Variants in EEIG1 observed in about 807,000 individuals in gnomAD.
EEIG1 encodes the protein early estrogen-induced gene 1 protein.
the EEIG1 span, chr9:127,943,399 C>A: frequency 3.0e-6 from 2 of 656,982 alleles, no homozygotes; most frequent in Non-Finnish European, 5.5e-6. Flanking sequence ...GTCCCTTGCC[C>A]ACAGTGACAC....
the EEIG1 span, chr9:127,948,462 C>A: frequency 6.5e-5 from 103 of 1,592,938 alleles, no homozygotes; most frequent in Non-Finnish European, 7.9e-5. Context: ...CCACAGCCTG[C>A]CCAGGCGCAG....
chr9:127,977,230 G>T, the EEIG1 span, among the ~76,000 whole-genome samples: 12 of 152,342 alleles, frequency 7.9e-5, no homozygotes, highest in Admixed American at 1.3e-4. Context: ...CATTCAGGTT[G>T]CATGCAGGAC....
chr9:127,954,020 G>A, the EEIG1 span: 1 of 1,458,702 alleles, frequency 6.9e-7, no homozygotes, highest in Non-Finnish European at 9.4e-7. Flanking sequence ...CATTGGGACT[G>A]AGGCGGTGGG....
the EEIG1 span, chr9:127,980,285 G>T: frequency 1.1e-6 from 1 of 918,352 alleles, no homozygotes. Context: ...GGAGTCCGGG[G>T]CCCCAGGTCT....
At chr9:127,971,999 C>A in the EEIG1 span, among the ~76,000 whole-genome samples, 2 of 152,082 alleles carry the variant, frequency 1.3e-5, no homozygotes, top group East Asian at 3.9e-4. Flanking sequence ...ATGTACTGAG[C>A]GGCCGCTGTC....
the EEIG1 span, among the ~76,000 whole-genome samples, chr9:127,946,434 CACACCCCAGGCTGGCCTGTG>C: frequency 4.3e-3 from 648 of 152,328 alleles, 3 homozygotes; most frequent in Non-Finnish European, 5.7e-3. Flanking sequence ...TCCCGCCCAA[CACACCCCAGGCTGGCCTGTG>C]ACACCCCAGG....
chr9:127,980,292 G>A, the EEIG1 span: 1 of 752,866 alleles, frequency 1.3e-6, no homozygotes, highest in Non-Finnish European at 2.1e-6. Context: ...GGGGCCCCAG[G>A]TCTGAGAGAT....
At chr9:127,968,531 G>A in the EEIG1 span, among the ~76,000 whole-genome samples, 5 of 152,110 alleles carry the variant, frequency 3.3e-5, no homozygotes, top group Admixed American at 6.5e-5. Flanking sequence ...CTAAATGAGC[G>A]CCCTTCATAC....
the EEIG1 span, among the ~76,000 whole-genome samples, chr9:127,969,948 G>A: frequency 1.3e-5 from 2 of 152,080 alleles, no homozygotes; most frequent in African/African-American, 4.8e-5. Context: ...ACAGAGACGT[G>A]CAGAACTCAC....
the EEIG1 span, chr9:127,953,505 G>C: frequency 7.0e-7 from 1 of 1,436,140 alleles, no homozygotes; most frequent in Non-Finnish European, 9.8e-7. Flanking sequence ...AGGGGCTGGA[G>C]GCTTCCCTTG....
At chr9:127,977,046 CCGTCTA>C in the EEIG1 span, among the ~76,000 whole-genome samples, 55 of 152,218 alleles carry the variant, frequency 3.6e-4, no homozygotes, top group African/African-American at 1.3e-3. Context: ...CCAGGAACCC[CCGTCTA>C]CTGGGCAAAA....
chr9:127,968,729 T>C, the EEIG1 span, among the ~76,000 whole-genome samples: 3 of 152,174 alleles, frequency 2.0e-5, no homozygotes, highest in East Asian at 1.9e-4. Flanking sequence ...CAGGAGATAA[T>C]TGTGAATCGC....
chr9:127,948,817 T>C, the EEIG1 span, among the ~76,000 whole-genome samples: 1 of 152,152 alleles, frequency 6.6e-6, no homozygotes, highest in Non-Finnish European at 1.5e-5. Flanking sequence ...AGAGGGCTCA[T>C]GGGGCCTGGC....
At chr9:127,945,848 T>C in the EEIG1 span, 3 of 815,120 alleles carry the variant, frequency 3.7e-6, no homozygotes, top group Admixed American at 4.4e-5. This position sits in a 1 kb window ranked among gnomAD's most constrained non-coding sequence, Gnocchi z 6.5. Context: ...GAGCCTCCCA[T>C]GGCAGGGCGC....
the EEIG1 span, among the ~76,000 whole-genome samples, chr9:127,956,689 G>A: frequency 6.6e-6 from 1 of 151,682 alleles, no homozygotes; most frequent in Non-Finnish European, 1.5e-5. Flanking sequence ...GGGATTACAG[G>A]CGTGAGCCAC....
the EEIG1 span, among the ~76,000 whole-genome samples, chr9:127,951,413 G>A: frequency 1.3e-5 from 2 of 152,186 alleles, no homozygotes; most frequent in African/African-American, 2.4e-5. Flanking sequence ...ACTGCTGCCT[G>A]CAAGTCTCTA....
At chr9:127,972,935 T>C in the EEIG1 span, among the ~76,000 whole-genome samples, 1 of 152,094 alleles carries the variant, frequency 6.6e-6, no homozygotes, top group South Asian at 2.1e-4. This position sits in a 1 kb window ranked among gnomAD's most constrained non-coding sequence, Gnocchi z 4.3. Context: ...TCTGACCTCA[T>C]AGTGGGTGGC....
chr9:127,978,154 C>G, the EEIG1 span, among the ~76,000 whole-genome samples: 1 of 152,156 alleles, frequency 6.6e-6, no homozygotes, highest in Non-Finnish European at 1.5e-5. Context: ...GAACAGGGAG[C>G]CAGTGCTCAG....
chr9:127,954,824 C>T, the EEIG1 span, among the ~76,000 whole-genome samples: 6 of 152,182 alleles, frequency 3.9e-5, no homozygotes, highest in East Asian at 1.9e-4. Context: ...TCTAGCCCCC[C>T]GGTTCCTCCT....
Sources: allele counts gnomAD v4.1 joint callset (sites outside exome capture counted in the v4.1 genomes callset), GRCh38; gene constraint gnomAD v4.1.1; non-coding constraint Gnocchi (gnomAD v3.1); transcripts MANE v1.5; gene names NCBI Gene and HGNC (gene_info 2026-07-23, HGNC 2026-07-21).